The following LHFPL3 variants were observed in gnomAD, a reference collection of about 807,000 sequenced individuals.
The protein encoded by LHFPL3 is LHFPL tetraspan subfamily member 3 protein.
In LHFPL3, 5 loss-of-function variants were observed where a neutral mutation model predicts 19.3. The observed-to-expected ratio is 0.26, with a 90% CI of 0.14 to 0.54. The LOEUF (loss-of-function observed/expected upper bound fraction) is 0.54. Ranked by LOEUF, LHFPL3 falls within the 20% of genes least tolerant of loss-of-function variation. The probability of loss-of-function intolerance (pLI) is 0.94; values close to 1 mark genes in which losing one functional copy is unlikely to be tolerated. For synonymous variants in LHFPL3, 133 were observed against 126.2 expected (o/e 1.05, Z -0.36); for missense variants, 249 against 307.4 (o/e 0.81, Z 1.42).
chr7:104,864,856 G>A (rs1021382542), intron 2 of LHFPL3, among the ~76,000 whole-genome samples: 12 of 152,284 alleles, frequency 7.9e-5, no homozygotes, highest in South Asian at 2.1e-4. Context: ...TCACACGGCC[G>A]GGTACTCCTC....
chr7:104,750,918 T>C (rs1794154951), intron 2 of LHFPL3, among the ~76,000 whole-genome samples: 1 of 151,892 alleles, frequency 6.6e-6, no homozygotes, highest in African/African-American at 2.4e-5. Context: ...ATGTTTTCCT[T>C]TTTTACATCT....
intron 2 of LHFPL3, among the ~76,000 whole-genome samples, chr7:104,856,828 T>C (rs1439122571): frequency 6.6e-6 from 1 of 152,234 alleles, no homozygotes; most frequent in African/African-American, 2.4e-5. Context: ...TATTATGACC[T>C]GGATACTGTG....
In LHFPL3 at chr7:104,872,345, A is replaced by G. The variant is rs577693357; in HGVS notation, c.683-33842A>G. Among the ~76,000 whole-genome samples the G allele has an allele frequency of 8.2e-4, 123 of 149,402 alleles. 1 individual carries two copies. The highest frequency in any genetic ancestry group is 3.0e-3 in the African/African-American group (120 of 40,464). The stretch of plus-strand genomic sequence containing the variant: ...GAGCAAGACTATGTCTCAAACAAAA[A>G]AAAAAAAGTAAGACACAGGCGAGGC... On this transcript the variant is annotated intron_variant, in intron 2 of 2. Transcript: ENST00000424859.
At chr7:104,882,951 T>A (rs1048582626) in intron 2 of LHFPL3, among the ~76,000 whole-genome samples, 10 of 152,164 alleles carry the variant, frequency 6.6e-5, no homozygotes, top group Admixed American at 6.5e-4. Context: ...ATGTAGAACT[T>A]TCAGTGCTAA....
intron 1 of LHFPL3, among the ~76,000 whole-genome samples, chr7:104,596,700 G>T (rs984521349): frequency 3.3e-5 from 5 of 152,184 alleles, no homozygotes; most frequent in Non-Finnish European, 5.9e-5. Context: ...CTGGCATAGG[G>T]TGGAGGCTAC....
chr7:104,823,053 C>T (rs1435862101), intron 2 of LHFPL3, among the ~76,000 whole-genome samples: 1 of 152,148 alleles, frequency 6.6e-6, no homozygotes. Flanking sequence ...AGTATGATTA[C>T]AATCCACAGC....
At chr7:104,667,264 T>TGG (rs112543248) in intron 1 of LHFPL3, among the ~76,000 whole-genome samples, 25 of 148,168 alleles carry the variant, frequency 1.7e-4, no homozygotes, top group African/African-American at 5.6e-4. Flanking sequence ...TCTGTTTTCT[T>TGG]GGGGGGGGGA....
chr7:104,758,335 T>C (rs1399615775), intron 2 of LHFPL3, among the ~76,000 whole-genome samples: 2 of 152,126 alleles, frequency 1.3e-5, no homozygotes, highest in African/African-American at 4.8e-5. Flanking sequence ...AACCTGCACA[T>C]GTACCCCCGA....
intron 1 of LHFPL3, among the ~76,000 whole-genome samples, chr7:104,346,284 C>T (rs903036254): frequency 6.6e-6 from 1 of 151,654 alleles, no homozygotes; most frequent in South Asian, 2.1e-4. Flanking sequence ...GATCCACCCA[C>T]CTTGGCCTCC....
chr7:104,454,793 A>G (rs1045278372), intron 1 of LHFPL3, among the ~76,000 whole-genome samples: 1 of 152,220 alleles, frequency 6.6e-6, no homozygotes, highest in African/African-American at 2.4e-5. Context: ...TGCTTTAATT[A>G]AAAGACAGAA....
At chr7:104,493,657 T>A (rs543538090) in intron 1 of LHFPL3, among the ~76,000 whole-genome samples, 1 of 152,264 alleles carries the variant, frequency 6.6e-6, no homozygotes, top group Admixed American at 6.5e-5. Flanking sequence ...TTCTTCCCAA[T>A]GTCAATTAAT....
intron 1 of LHFPL3, among the ~76,000 whole-genome samples, chr7:104,698,861 G>A (rs138689009): frequency 1.1e-4 from 17 of 152,274 alleles, no homozygotes; most frequent in African/African-American, 2.4e-4. Context: ...AAAAAAGACC[G>A]ATATTTTAAA....
At chr7:104,353,878 C>A (rs1387661040) in intron 1 of LHFPL3, among the ~76,000 whole-genome samples, 1 of 152,188 alleles carries the variant, frequency 6.6e-6, no homozygotes, top group African/African-American at 2.4e-5. Flanking sequence ...TCCAGAGCCA[C>A]CTACCTGGTA....
At chr7:104,563,808 A>C (rs751351467) in intron 1 of LHFPL3, among the ~76,000 whole-genome samples, 4 of 152,170 alleles carry the variant, frequency 2.6e-5, no homozygotes, top group South Asian at 2.1e-4. Flanking sequence ...ATAAGAAATA[A>C]ATTTCTGTGT....
chr7:104,715,862 T>C (rs1406076938), intron 1 of LHFPL3, among the ~76,000 whole-genome samples: 1 of 152,204 alleles, frequency 6.6e-6, no homozygotes, highest in African/African-American at 2.4e-5. Context: ...TCTTTCCTTG[T>C]GGTGTCTTTG....
At chr7:104,778,364 A>G (rs1794665475) in intron 2 of LHFPL3, among the ~76,000 whole-genome samples, 1 of 152,142 alleles carries the variant, frequency 6.6e-6, no homozygotes, top group South Asian at 2.1e-4. Flanking sequence ...GACTATCAGA[A>G]TGGCTGAGTC....
At chr7:104,368,652 C>CGT (rs67849394) in intron 1 of LHFPL3, among the ~76,000 whole-genome samples, 14,217 of 150,126 alleles carry the variant, frequency 0.095, 737 homozygotes, top group East Asian at 0.13. Flanking sequence ...CACACATGTA[C>CGT]GTGTGTGTGT....
intron 1 of LHFPL3, among the ~76,000 whole-genome samples, chr7:104,603,137 C>CTTTCTTTCTTTTTTT (rs1562947544): frequency 3.3e-5 from 1 of 30,582 alleles, no homozygotes; most frequent in African/African-American, 1.3e-4. Flanking sequence ...TTTCTTTTTT[C>CTTTCTTTCTTTTTTT]CCTTCCTTCC....
At chr7:104,740,829 A>T (rs1398925879) in intron 2 of LHFPL3, among the ~76,000 whole-genome samples, 1 of 152,206 alleles carries the variant, frequency 6.6e-6, no homozygotes, top group East Asian at 1.9e-4. Flanking sequence ...CAGGCAAACC[A>T]TATCAGCCAC....
Sources: gnomAD v4.1 joint callset for allele counts (sites outside exome capture counted in the v4.1 genomes callset) on GRCh38, gnomAD v4.1.1 for gene constraint, MANE v1.5 for transcripts, NCBI Gene and HGNC (gene_info 2026-07-23, HGNC 2026-07-21) for gene names.